The following SEMA3A variants were observed in gnomAD, a reference collection of about 807,000 sequenced individuals.
SEMA3A encodes semaphorin 3A.
In SEMA3A, 29 loss-of-function variants were observed where a neutral mutation model predicts 97.9. That is an observed-to-expected ratio of 0.30 (90% CI 0.22 to 0.40). The LOEUF (loss-of-function observed/expected upper bound fraction) is 0.40, where lower values mean the gene tolerates loss of function less well. Among genes scored for constraint, SEMA3A ranks in the 10% least tolerant of loss-of-function variants. SEMA3A has a pLI of 1.00. For synonymous variants in SEMA3A, 321 were observed against 323.7 expected, an observed-to-expected ratio of 0.99 and a Z score of 0.09; for missense variants, 763 against 951.3, an observed-to-expected ratio of 0.80 and a Z score of 2.60.
chr7:84,233,195 T>C (rs765115263), intron 3 of SEMA3A, among the ~76,000 whole-genome samples: 53 of 152,136 alleles, frequency 3.5e-4, no homozygotes, highest in Admixed American at 7.2e-4. Flanking sequence ...AATACATTCA[T>C]TGGTTAAGAC....
At chr7:83,995,826 A>T (rs557817890) in intron 12 of SEMA3A, among the ~76,000 whole-genome samples, 11 of 152,214 alleles carry the variant, frequency 7.2e-5, no homozygotes, top group Non-Finnish European at 1.3e-4. Flanking sequence ...TGCTGATCTC[A>T]GGAGATTCTG....
At chr7:84,112,388 C>A (rs1795300213) in intron 3 of SEMA3A, among the ~76,000 whole-genome samples, 1 of 152,092 alleles carries the variant, frequency 6.6e-6, no homozygotes. Flanking sequence ...TAGAAAAGAA[C>A]AAGATTTCAG....
At chr7:84,424,612 A>ATTATATATAATATATAAATATTAAT (rs1554383750) in intron 1 of SEMA3A, among the ~76,000 whole-genome samples, 1 of 29,680 alleles carries the variant, frequency 3.4e-5, no homozygotes, top group East Asian at 1.2e-3. Context: ...ATTAATATAT[A>ATTATATATAATATATAAATATTAAT]ATATAATATA....
At chr7:84,035,795 A>C (rs557773680) in intron 6 of SEMA3A, among the ~76,000 whole-genome samples, 1 of 152,012 alleles carries the variant, frequency 6.6e-6, no homozygotes, top group Non-Finnish European at 1.5e-5. Context: ...TCTAAACACC[A>C]ATCTACTTTT....
intron 9 of SEMA3A, among the ~76,000 whole-genome samples, chr7:84,008,970 G>A (rs539407291): frequency 1.3e-5 from 2 of 151,802 alleles, no homozygotes; most frequent in Non-Finnish European, 2.9e-5. Flanking sequence ...AGCTATCATC[G>A]AAATACTTAA....
intron 3 of SEMA3A, among the ~76,000 whole-genome samples, chr7:84,222,873 T>C (rs1798910665): frequency 6.6e-6 from 1 of 151,846 alleles, no homozygotes; most frequent in Admixed American, 6.6e-5. Flanking sequence ...TACAAATACA[T>C]AGAAACTTGC....
intron 12 of SEMA3A, 45 bp from the exon 13 acceptor site, chr7:83,985,522 C>G (rs1207453033): frequency 5.3e-6 from 8 of 1,504,622 alleles, no homozygotes; most frequent in Non-Finnish European, 7.4e-6. Flanking sequence ...TCAATTAGAA[C>G]AGCCAGCTAT....
At chr7:84,355,837 T>C (rs946678798) in intron 2 of SEMA3A, among the ~76,000 whole-genome samples, 2 of 151,916 alleles carry the variant, frequency 1.3e-5, no homozygotes, top group South Asian at 2.1e-4. Context: ...AAAGATCTAT[T>C]TGTAAGTGCC....
chr7:84,255,799 A>ATT (rs59945843), intron 3 of SEMA3A, among the ~76,000 whole-genome samples: 2 of 150,230 alleles, frequency 1.3e-5, no homozygotes, highest in Admixed American at 1.3e-4. Flanking sequence ...CTCGGCACTG[A>ATT]TTTTTTTTTT....
In SEMA3A at chr7:84,134,794, C is replaced by T; in HGVS notation, c.270G>A (p.Lys90=). The change falls in exon 2 of 17, where the codon AAG becomes AAA. Residue 90 remains lysine (K), a splice_region_variant and synonymous_variant. Coordinates refer to ENST00000265362, the MANE Select transcript of SEMA3A (RefSeq NM_006080.3). ...AGTGCATATATTAGAATACTGATAC[C>T]TTTTGAAAATCCTTGATATTAACCA... The part of the protein sequence containing the change: ...FDLVNIKDFQ[K]IVWPVSYTRR... 1 of 1,605,618 alleles carries T rather than the reference C, an allele frequency of 6.2e-7. No individual in the cohort carries two copies. Among genetic ancestry groups the T allele is most frequent in the East Asian group, 2.2e-5 (1 of 44,604 alleles).
At chr7:84,378,438 T>A (rs1803164571) in intron 1 of SEMA3A, among the ~76,000 whole-genome samples, 1 of 152,028 alleles carries the variant, frequency 6.6e-6, no homozygotes, top group Admixed American at 6.5e-5. Context: ...AAACCATCAT[T>A]CTCTGCAAAC....
intron 1 of SEMA3A, among the ~76,000 whole-genome samples, chr7:84,161,191 C>T (rs779727036): frequency 2.0e-5 from 3 of 151,938 alleles, no homozygotes; most frequent in Non-Finnish European, 2.9e-5. Context: ...CGGTGAAACC[C>T]TGTCTCTACT....
At chr7:84,173,933 C>G (rs976302760) in intron 1 of SEMA3A, among the ~76,000 whole-genome samples, 1 of 152,214 alleles carries the variant, frequency 6.6e-6, no homozygotes, top group African/African-American at 2.4e-5. Context: ...ATGCTCCTTA[C>G]GAAAATCTAA....
chr7:84,031,566 G>A (rs1406279249), intron 6 of SEMA3A, among the ~76,000 whole-genome samples: 1 of 152,052 alleles, frequency 6.6e-6, no homozygotes, highest in African/African-American at 2.4e-5. Context: ...GGGTGCGGTG[G>A]CTCACGCCTG....
At chr7:84,270,223 G>A (rs1409768448) in intron 3 of SEMA3A, among the ~76,000 whole-genome samples, 1 of 151,984 alleles carries the variant, frequency 6.6e-6, no homozygotes, top group African/African-American at 2.4e-5. Flanking sequence ...TGGGAATAAG[G>A]TAGAGAAATT....
chr7:84,227,906 T>C lies in SEMA3A; in HGVS notation c.-82-33238A>G, dbSNP rs537145518. Among the ~76,000 whole-genome samples, 5 of 151,424 alleles carry C rather than the reference T, an allele frequency of 3.3e-5. No individual in the cohort carries two copies. In the South Asian group the frequency reaches 8.4e-4, roughly 25 times the overall value. On this transcript the variant is annotated intron_variant, in intron 3 of 3. Coordinates refer to the SEMA3A transcript ENST00000424555. ...ATGTAAGTCTCTGTGTGTGTGTGTG[T>C]GCGTGCGTGTGTGTGTCAGGGAGTG...
At chr7:84,467,022 C>T (rs1806015795) in intron 1 of SEMA3A, among the ~76,000 whole-genome samples, 1 of 152,012 alleles carries the variant, frequency 6.6e-6, no homozygotes, top group South Asian at 2.1e-4. Context: ...TGTGATGATT[C>T]AGTATGTCAG....
intron 4 of SEMA3A, among the ~76,000 whole-genome samples, chr7:84,070,354 A>G (rs747548498): frequency 1.3e-4 from 20 of 152,154 alleles, no homozygotes; most frequent in Non-Finnish European, 2.4e-4. Flanking sequence ...AGAGGAAATA[A>G]TAACTGTGCT....
intron 1 of SEMA3A, among the ~76,000 whole-genome samples, chr7:84,414,016 A>C (rs1804355420): frequency 6.6e-6 from 1 of 152,078 alleles, no homozygotes; most frequent in African/African-American, 2.4e-5. Flanking sequence ...GGTCACATAT[A>C]CTGCTTCACC....
Sources: gnomAD v4.1 joint callset for allele counts (sites outside exome capture counted in the v4.1 genomes callset) on GRCh38, gnomAD v4.1.1 for gene constraint, MANE v1.5 for transcripts, NCBI Gene and HGNC (gene_info 2026-07-23, HGNC 2026-07-21) for gene names.